The following MAML2 variants were observed in gnomAD, a reference collection of about 807,000 sequenced individuals.
MAML2 encodes mastermind like transcriptional coactivator 2.
Under a neutral mutation model 96.1 loss-of-function variants are expected in MAML2, and 22 were observed. The ratio of observed to expected loss-of-function variants is 0.23; its 90% CI spans 0.16 to 0.33. MAML2 has a LOEUF of 0.33. MAML2 is among the 10% of genes least tolerant of loss of function. The pLI is 1.00. For synonymous variants in MAML2, 561 were observed against 521.3 expected, an observed-to-expected ratio of 1.08 and a Z score of -1.04; for missense variants, 1,367 against 1,392.4, an observed-to-expected ratio of 0.98 and a Z score of 0.29.
At chr11:96,299,694 C>T (rs1043716723) in intron 1 of MAML2, among the ~76,000 whole-genome samples, 2 of 152,196 alleles carry the variant, frequency 1.3e-5, no homozygotes, top group African/African-American at 2.4e-5. Flanking sequence ...CTCCTCCTTA[C>T]AGTTGTCCAA....
intron 2 of MAML2, among the ~76,000 whole-genome samples, chr11:96,008,900 C>T (rs916054184): frequency 6.6e-6 from 1 of 152,138 alleles, no homozygotes; most frequent in Non-Finnish European, 1.5e-5. Context: ...TTTATCTAAC[C>T]CTTGCCAGGT....
chr11:96,006,554 TTTTTTTTTC>T (rs1858181022), intron 2 of MAML2, among the ~76,000 whole-genome samples: 2 of 138,850 alleles, frequency 1.4e-5, no homozygotes, highest in Admixed American at 1.5e-4. Flanking sequence ...TGGAGTATCT[TTTTTTTTTC>T]TTTTTTTTTT....
At chr11:96,058,551 C>T (rs1859105467) in intron 2 of MAML2, among the ~76,000 whole-genome samples, 1 of 152,132 alleles carries the variant, frequency 6.6e-6, no homozygotes, top group South Asian at 2.1e-4. Context: ...GAACTCCTGA[C>T]CTCATGATCC....
chr11:96,065,889 A>G (rs924086826), intron 2 of MAML2, among the ~76,000 whole-genome samples: 5 of 152,162 alleles, frequency 3.3e-5, no homozygotes, highest in Admixed American at 2.0e-4. Context: ...GGGATAGGGC[A>G]GGCTCCCAGC....
chr11:96,142,174 C>A (rs1369409357), intron 1 of MAML2, among the ~76,000 whole-genome samples: 1 of 152,148 alleles, frequency 6.6e-6, no homozygotes, highest in Non-Finnish European at 1.5e-5. Flanking sequence ...GGGCACCTAA[C>A]CCCTCTTCAG....
intron 1 of MAML2, among the ~76,000 whole-genome samples, chr11:96,332,154 T>C (rs1863863141): frequency 6.6e-6 from 1 of 152,202 alleles, no homozygotes; most frequent in Admixed American, 6.5e-5. Flanking sequence ...GCATGGGTCC[T>C]CCAGCATTGT....
chr11:96,318,597 C>A (rs527932507), intron 1 of MAML2, among the ~76,000 whole-genome samples: 6 of 152,306 alleles, frequency 3.9e-5, no homozygotes, highest in Admixed American at 2.6e-4. Context: ...CAGTCTGAAA[C>A]AACGGTTTGA....
intron 1 of MAML2, among the ~76,000 whole-genome samples, chr11:96,109,631 C>T (rs1365837282): frequency 3.9e-5 from 6 of 152,138 alleles, no homozygotes; most frequent in East Asian, 1.9e-4. Context: ...TACAAATTTC[C>T]GGATTAGTGA....
At chr11:96,100,803 T>A (rs1859916273) in intron 1 of MAML2, among the ~76,000 whole-genome samples, 1 of 150,792 alleles carries the variant, frequency 6.6e-6, no homozygotes. Context: ...TGGAGTGTAG[T>A]GGCACAATCT....
chr11:96,046,334 G>A (rs970737174), intron 2 of MAML2, among the ~76,000 whole-genome samples: 3 of 152,198 alleles, frequency 2.0e-5, no homozygotes, highest in African/African-American at 7.2e-5. Context: ...TAGGATGGAA[G>A]GGTTTTTTTT....
intron 1 of MAML2, among the ~76,000 whole-genome samples, chr11:96,143,510 T>C (rs1860767299): frequency 6.6e-6 from 1 of 152,220 alleles, no homozygotes; most frequent in Non-Finnish European, 1.5e-5. Context: ...CCGATTTCCA[T>C]AAATTTCTCT....
chr11:96,066,247 G>A (rs1186194339), intron 2 of MAML2, among the ~76,000 whole-genome samples: 1 of 152,176 alleles, frequency 6.6e-6, no homozygotes, highest in African/African-American at 2.4e-5. Context: ...CACCAATAGT[G>A]CCAATGAGTC....
chr11:95,991,765 A>G (rs1334638658), intron 2 of MAML2, 42 bp from the exon 3 acceptor site: 1 of 1,490,478 alleles, frequency 6.7e-7, no homozygotes, highest in African/African-American at 1.4e-5. Flanking sequence ...CTGTGAATTA[A>G]AAAAAGAAAA....
chr11:95,998,760 G>A (rs1858037015), intron 2 of MAML2, among the ~76,000 whole-genome samples: 1 of 152,118 alleles, frequency 6.6e-6, no homozygotes, highest in Non-Finnish European at 1.5e-5. Context: ...TTTAGCTTGA[G>A]GCAAATAAAA....
At chr11:96,260,374 C>T (rs1029554792) in intron 1 of MAML2, among the ~76,000 whole-genome samples, 1 of 152,212 alleles carries the variant, frequency 6.6e-6, no homozygotes, top group African/African-American at 2.4e-5. Flanking sequence ...CCACACCCTT[C>T]TCAACTGTCT....
At chr11:95,980,839 G>A (rs1857725411) in intron 4 of MAML2, among the ~76,000 whole-genome samples, 1 of 152,162 alleles carries the variant, frequency 6.6e-6, no homozygotes, top group African/African-American at 2.4e-5. Context: ...TAACTGATAG[G>A]ATATTGACAG....
intron 1 of MAML2, among the ~76,000 whole-genome samples, chr11:96,220,846 G>A (rs951424085): frequency 6.6e-6 from 1 of 151,612 alleles, no homozygotes; most frequent in African/African-American, 2.4e-5. Flanking sequence ...GAAAAAAAAA[G>A]CATCATCAAA....
At chr11:96,182,365 C>T (rs1490943590) in intron 1 of MAML2, among the ~76,000 whole-genome samples, 1 of 152,180 alleles carries the variant, frequency 6.6e-6, no homozygotes, top group Non-Finnish European at 1.5e-5. Flanking sequence ...GTGTATCAGG[C>T]AGATCGCTAG....
intron 1 of MAML2, among the ~76,000 whole-genome samples, chr11:96,316,414 A>T (rs2136007748): frequency 6.6e-6 from 1 of 152,356 alleles, no homozygotes; most frequent in East Asian, 1.9e-4. Flanking sequence ...GGGCTAAGAT[A>T]CAGAATAACA....
Sources: allele counts gnomAD v4.1 joint callset (sites outside exome capture counted in the v4.1 genomes callset), GRCh38; gene constraint gnomAD v4.1.1; transcripts MANE v1.5; gene names NCBI Gene and HGNC (gene_info 2026-07-23, HGNC 2026-07-21).